Variants in KBTBD12 observed in about 807,000 individuals in gnomAD.
KBTBD12 encodes kelch repeat and BTB domain-containing protein 12.
KBTBD12 carries 53 observed loss-of-function variants against 58.7 expected under a neutral mutation model. That is an observed-to-expected ratio of 0.90 (90% CI 0.72 to 1.14). The LOEUF is 1.14. Among genes scored for constraint, KBTBD12 ranks in the 50% most tolerant of loss-of-function variants. KBTBD12 has a pLI of 0.00. For synonymous variants in KBTBD12, 236 were observed against 259.8 expected, an observed-to-expected ratio of 0.91 and a Z score of 0.88; for missense variants, 704 against 751.3, an observed-to-expected ratio of 0.94 and a Z score of 0.74.
Position 127,986,023 on chromosome 3 carries a change from G to A in KBTBD12, c.*1745G>A, listed in dbSNP as rs960309332. The A allele has an allele frequency of 1.3e-5, 2 of 152,668 alleles. No homozygotes were observed. Among genetic ancestry groups the A allele is most frequent in the Non-Finnish European group, 2.9e-5 (2 of 68,172 alleles). The allele number at this position is 152,668 out of a possible 1,614,324, so 9.5% of individuals were successfully genotyped here. ...CCAGGGTTGAGGACGGCCTCCACAG[G>A]GCCTCCACTTCCCTCCATTCCTCTT... On this transcript the variant is annotated 3_prime_UTR_variant, in exon 6 of 6. Coordinates refer to ENST00000405109, the MANE Select transcript of KBTBD12 (RefSeq NM_207335.4).
chr3:127,947,672 G>A (rs1319853924), intron 4 of KBTBD12, among the ~76,000 whole-genome samples: 2 of 152,164 alleles, frequency 1.3e-5, no homozygotes, highest in African/African-American at 4.8e-5. Context: ...TGCTTTTGAG[G>A]AGAAAGTTGG....
At position 127,984,576 on chromosome 3, in the gene KBTBD12, A is replaced by C; in HGVS notation, c.*298A>C. On this transcript the variant is annotated 3_prime_UTR_variant, in exon 6 of 6. Transcript: ENST00000405109. ...CTCACTCTGCTGGGGACCCATGAAC[A>C]GCACTGCCAAGGAGCAGACCTTTTA... The C allele has an allele frequency of 3.9e-6, 1 of 255,324 alleles. No homozygotes were observed. 15.8% of individuals were successfully genotyped at this position (255,324 alleles called of 1,614,324 possible).
chr3:127,920,640 G>T (rs545065969), intron 1 of KBTBD12, among the ~76,000 whole-genome samples: 1 of 152,026 alleles, frequency 6.6e-6, no homozygotes, highest in Non-Finnish European at 1.5e-5. Context: ...ATAATGTAAA[G>T]ATTATAAAAT....
chr3:127,965,272 A>T (rs915850955), intron 5 of KBTBD12, among the ~76,000 whole-genome samples: 1 of 152,230 alleles, frequency 6.6e-6, no homozygotes, highest in Non-Finnish European at 1.5e-5. Context: ...AACTCATACT[A>T]TGAGCTAACC....
rs139989427 is a variant in KBTBD12 at position 127,963,324 on chromosome 3, A to G, written c.1628A>G (p.Asn543Ser). ...MPSPLLSLRT[N>S]STNAGAVDGK... ...AGTCCCCTCCTCTCACTCCGCACCA[A>G]TTCCACCAATGCAGGGGCAGTGGAT... The change falls in exon 5 of 6, where the codon AAT becomes AGT. Residue 543 changes from asparagine (N) to serine (S), a missense_variant. Coordinates refer to ENST00000405109, the MANE Select transcript of KBTBD12 (RefSeq NM_207335.4). 12 of 1,611,904 alleles carry G rather than the reference A, an allele frequency of 7.4e-6. No individual in the cohort carries two copies. In the African/African-American group the frequency reaches 1.3e-4, roughly 18 times the overall value.
At chr3:127,975,837 C>T (rs749713589) in intron 5 of KBTBD12, among the ~76,000 whole-genome samples, 4 of 152,194 alleles carry the variant, frequency 2.6e-5, no homozygotes, top group Non-Finnish European at 4.4e-5. Flanking sequence ...GACTTTAAGC[C>T]TGACATTGGT....
intron 4 of KBTBD12, among the ~76,000 whole-genome samples, chr3:127,945,162 A>ATATTTTTT (rs1940047830): frequency 4.2e-5 from 1 of 23,786 alleles, no homozygotes; most frequent in South Asian, 1.4e-3. Context: ...AATAGTAGCT[A>ATATTTTTT]TCTTTTTTTT....
At chr3:127,978,929 A>G (rs1431399251) in intron 5 of KBTBD12, among the ~76,000 whole-genome samples, 1 of 152,176 alleles carries the variant, frequency 6.6e-6, no homozygotes, top group Non-Finnish European at 1.5e-5. Context: ...GACAGGAGGG[A>G]GCTCAAGAAA....
In KBTBD12 at chr3:127,923,202, G is replaced by C; in HGVS notation, c.141G>C (p.Leu47=). 6.2e-7 allele frequency: 1 copy of C among 1,613,840 alleles called. No individual in the cohort carries two copies. The highest frequency in any genetic ancestry group is 1.1e-5 in the South Asian group (1 of 91,072). ...AEGEKFPCHR[L]VLAAFSPYFK... Reference sequence around the variant, plus strand: ...GAGAGAAATTTCCTTGCCACAGACTGGTCCTGGCTGCATTTAGCCCTTATT... The same window carrying C: ...GAGAGAAATTTCCTTGCCACAGACTCGTCCTGGCTGCATTTAGCCCTTATT... Residue 47 remains leucine (L), a synonymous_variant, in exon 2 of 6, where the codon CTG becomes CTC. Coordinates refer to ENST00000405109, the MANE Select transcript of KBTBD12 (RefSeq NM_207335.4).
At chr3:127,968,522 A>C (rs1169953771) in intron 5 of KBTBD12, among the ~76,000 whole-genome samples, 3 of 152,246 alleles carry the variant, frequency 2.0e-5, no homozygotes, top group Non-Finnish European at 4.4e-5. Flanking sequence ...GAATACTAGC[A>C]AACTGAATCC....
At chr3:127,961,557 G>A (rs1940439138) in intron 4 of KBTBD12, among the ~76,000 whole-genome samples, 1 of 152,178 alleles carries the variant, frequency 6.6e-6, no homozygotes, top group Non-Finnish European at 1.5e-5. Flanking sequence ...CCTGGCATAA[G>A]CCCCAACCAT....
chr3:127,917,492 GC>G (rs1259193180), intron 1 of KBTBD12, among the ~76,000 whole-genome samples: 1 of 152,108 alleles, frequency 6.6e-6, no homozygotes, highest in African/African-American at 2.4e-5. Context: ...CATTACATAG[GC>G]ATGCTTGATT....
intron 4 of KBTBD12, among the ~76,000 whole-genome samples, chr3:127,939,444 G>C (rs1019000968): frequency 2.6e-5 from 4 of 152,044 alleles, no homozygotes; most frequent in Non-Finnish European, 5.9e-5. Flanking sequence ...AATGTATTTA[G>C]GTGTAATCTA....
intron 5 of KBTBD12, among the ~76,000 whole-genome samples, chr3:127,974,636 C>T (rs896695144): frequency 1.3e-5 from 2 of 152,200 alleles, no homozygotes; most frequent in African/African-American, 2.4e-5. Context: ...TACATCTGAC[C>T]TGTTCTTTCC....
At chr3:127,960,342 G>T (rs1022097179) in intron 4 of KBTBD12, among the ~76,000 whole-genome samples, 1 of 152,026 alleles carries the variant, frequency 6.6e-6, no homozygotes, top group Non-Finnish European at 1.5e-5. Flanking sequence ...TTTCCACTAC[G>T]CACACACCAA....
intron 4 of KBTBD12, among the ~76,000 whole-genome samples, chr3:127,937,057 A>G (rs1025306033): frequency 2.6e-5 from 4 of 152,148 alleles, no homozygotes; most frequent in African/African-American, 9.7e-5. Context: ...CAAGAAATGC[A>G]TCTTTATCCT....
chr3:127,946,117 A>G (rs758084355), intron 4 of KBTBD12, among the ~76,000 whole-genome samples: 26 of 152,074 alleles, frequency 1.7e-4, no homozygotes, highest in Non-Finnish European at 3.5e-4. Context: ...CATTCCTTCC[A>G]CCCGTTGTAC....
chr3:127,957,067 A>G (rs1213486433), intron 4 of KBTBD12, among the ~76,000 whole-genome samples: 1 of 152,214 alleles, frequency 6.6e-6, no homozygotes, highest in Non-Finnish European at 1.5e-5. Context: ...TCGATTACCA[A>G]AAAACTGTCA....
chr3:127,931,122 G>T (rs1300402878), intron 4 of KBTBD12, among the ~76,000 whole-genome samples: 1 of 152,144 alleles, frequency 6.6e-6, no homozygotes, highest in African/African-American at 2.4e-5. Context: ...TGGGGAAGAT[G>T]ATGGATAGCA....
Sources: gnomAD v4.1 joint callset for allele counts (sites outside exome capture counted in the v4.1 genomes callset) on GRCh38, gnomAD v4.1.1 for gene constraint, MANE v1.5 for transcripts, NCBI Gene and HGNC (gene_info 2026-07-23, HGNC 2026-07-21) for gene names.